KMT2C: variants seen among roughly 807,000 people sequenced by gnomAD.
KMT2C encodes lysine methyltransferase 2C, also known as histone-lysine N-methyltransferase 2C.
Under a neutral mutation model 507.9 loss-of-function variants are expected in KMT2C, and 88 were observed. The ratio of observed to expected loss-of-function variants is 0.17; its 90% CI spans 0.15 to 0.21. The LOEUF is 0.21. Ranked by LOEUF, KMT2C falls within the 10% of genes least tolerant of loss-of-function variation. KMT2C has a pLI of 1.00. For synonymous variants in KMT2C, 2,049 were observed against 2,080.8 expected (o/e 0.98, Z 0.42); for missense variants, 4,954 against 5,957.8 (o/e 0.83, Z 5.55).
intron 31 of KMT2C, among the ~76,000 whole-genome samples, chr7:152,193,057 C>T (rs902058700): frequency 3.0e-4 from 45 of 152,074 alleles, no homozygotes; most frequent in Admixed American, 2.9e-3. Context: ...TGCCTGTGGT[C>T]GCAGCTGCAT....
intron 11 of KMT2C, 144 bp from the exon 12 acceptor site, chr7:152,251,110 C>A (rs770841640): frequency 6.7e-6 from 4 of 594,952 alleles, no homozygotes; most frequent in Non-Finnish European, 8.9e-6. Context: ...TCTGTTGAAC[C>A]ACATGTATAT....
At chr7:152,368,777 C>A in intron 1 of KMT2C, 1 of 751,932 alleles carries the variant, frequency 1.3e-6, no homozygotes, top group Non-Finnish European at 2.2e-6. Context: ...ATGGATTTAA[C>A]AGCGTGACAA....
intron 39 of KMT2C, 51 bp downstream of exon 39, chr7:152,174,080 A>C: frequency 1.0e-6 from 1 of 956,384 alleles, no homozygotes; most frequent in South Asian, 1.5e-5. Context: ...ACTAGTAATG[A>C]TTTCATGAAT....
At chr7:152,188,610 TTTTTTTTTTTTTTTG>T (rs1340944586) in intron 31 of KMT2C, among the ~76,000 whole-genome samples, 57 of 130,788 alleles carry the variant, frequency 4.4e-4, no homozygotes, top group Middle Eastern at 3.6e-3. Context: ...CTTTCCTTTT[TTTTTTTTTTTTTTTG>T]TTTTTGAGAT....
chr7:152,138,957 T>A lies in KMT2C; in HGVS notation c.14535-53A>T. 3 of 1,373,602 alleles carry A rather than the reference T, an allele frequency of 2.2e-6. No individual in the cohort carries two copies. Among genetic ancestry groups the A allele is most frequent in the Non-Finnish European group, 3.1e-6 (3 of 963,912 alleles). The allele number at this position is 1,373,602 out of a possible 1,614,324, so 85.1% of individuals were successfully genotyped here. On this transcript the variant is annotated intron_variant, in intron 57 of 58. Transcript: ENST00000262189. The surrounding 1 kb of genome is among the most constrained non-coding windows in gnomAD (Gnocchi z 4.2). ...ATTGTAAAACAGCTAGAAGCAGCTT[T>A]AAAAACTTCCCATTTATTGATAAAG...
chr7:152,357,497 A>G (rs1037862983), intron 2 of KMT2C, among the ~76,000 whole-genome samples: 2 of 152,232 alleles, frequency 1.3e-5, no homozygotes, highest in East Asian at 3.9e-4. Context: ...ACGCCACTGC[A>G]CTCCAGCCCA....
At chr7:152,433,394 TC>T (rs572725740) in intron 1 of KMT2C, among the ~76,000 whole-genome samples, 22 of 149,966 alleles carry the variant, frequency 1.5e-4, no homozygotes, top group Admixed American at 1.3e-3. Flanking sequence ...CTGCATGGAT[TC>T]TTATACAGTA....
chr7:152,148,005 T>C lies in KMT2C; in HGVS notation c.13894+28A>G, dbSNP rs368417311. 9.1e-6 allele frequency: 14 copies of C among 1,536,420 alleles called. No homozygotes were observed. Among genetic ancestry groups the C allele is most frequent in the Admixed American group, 2.0e-5 (1 of 50,198 alleles). On this transcript the variant is annotated intron_variant, in intron 52 of 58. Coordinates refer to ENST00000262189, the MANE Select transcript of KMT2C (RefSeq NM_170606.3). The surrounding 1 kb of genome is among the most constrained non-coding windows in gnomAD (Gnocchi z 7.1). ...AGCCTGACATCAGAGTAAGTAGCACTGCACAGCATGTGAACGGCAGACGTT... is the reference window on the plus strand; with the variant it reads ...AGCCTGACATCAGAGTAAGTAGCACCGCACAGCATGTGAACGGCAGACGTT...
intron 37 of KMT2C, among the ~76,000 whole-genome samples, chr7:152,179,239 G>A (rs189262965): frequency 9.9e-5 from 15 of 152,178 alleles, no homozygotes; most frequent in African/African-American, 2.2e-4. Flanking sequence ...CAAGTGATCC[G>A]CCCACCTCGG....
At chr7:152,381,754 CTG>C (rs2097376056) in intron 1 of KMT2C, among the ~76,000 whole-genome samples, 2 of 150,690 alleles carry the variant, frequency 1.3e-5, no homozygotes, top group South Asian at 4.2e-4. Flanking sequence ...CTGACACTGA[CTG>C]TTATCAAAAA....
At position 152,207,420 on chromosome 7, in the gene KMT2C, G is replaced by A. The variant is rs773647299; in HGVS notation, c.3721C>T (p.Leu1241Phe). The A allele has an allele frequency of 6.3e-7, 1 of 1,589,640 alleles. No homozygotes were observed. Among genetic ancestry groups the A allele is most frequent in the East Asian group, 2.2e-5 (1 of 44,708 alleles). ...TCTGATTTTCCATCACAATCCATAA[G>A]TTCTCCTTCTGGAAAAAAGTAAATG... Reference protein sequence around the residue: ...GEMDDSREGELMDCDGKSESS... With the variant: ...GEMDDSREGEFMDCDGKSESS... Residue 1241 changes from leucine to phenylalanine, a missense_variant, in exon 24 of 59, where the codon CTT becomes TTT. This residue lies in a region of KMT2C where 176 missense variants were observed against 262.0 expected (regional missense o/e 0.67). Coordinates refer to ENST00000262189, the MANE Select transcript of KMT2C (RefSeq NM_170606.3).
At position 152,344,930 on chromosome 7, in the gene KMT2C, T is replaced by C. The variant is rs537264072; in HGVS notation, c.250+13657A>G. ...TGAACCCAGGAGGCGGAGCTTGCAA[T>C]GAGCCAAGATGATGCCACTGCACTC... On this transcript the variant is annotated intron_variant, in intron 2 of 58. Coordinates refer to ENST00000262189, the MANE Select transcript of KMT2C (RefSeq NM_170606.3). Among the ~76,000 whole-genome samples, 7 of 152,050 alleles carry C rather than the reference T, an allele frequency of 4.6e-5. No individual in the cohort carries two copies. The East Asian group carries it at 1.4e-3, about 29-fold the overall frequency.
intron 1 of KMT2C, among the ~76,000 whole-genome samples, chr7:152,419,834 A>C (rs995932716): frequency 6.6e-6 from 1 of 152,240 alleles, no homozygotes. Flanking sequence ...AGTAATTATC[A>C]AAAAGGTAAC....
At chr7:152,151,364 C>T in intron 50 of KMT2C, 78 bp downstream of exon 50, 1 of 1,462,578 alleles carries the variant, frequency 6.8e-7, no homozygotes, top group Admixed American at 1.8e-5. Context: ...GTGTCTCTCT[C>T]TGATGTTGGA....
intron 1 of KMT2C, among the ~76,000 whole-genome samples, chr7:152,390,755 G>T (rs2097486581): frequency 6.6e-6 from 1 of 152,128 alleles, no homozygotes; most frequent in African/African-American, 2.4e-5. Context: ...GACCATGTGT[G>T]TTTAACAAAT....
At position 152,181,114 on chromosome 7, in the gene KMT2C, G is replaced by C. The variant is rs1425960038; in HGVS notation, c.6746C>G (p.Pro2249Arg). The change falls in exon 36 of 59, where the codon CCT (proline) becomes CGT (arginine). Residue 2249 changes from proline to arginine, a missense_variant. Pro to Arg is a moderately radical substitution (Grantham distance 103, BLOSUM62 -2). Around this residue, in one of 29 missense-constraint regions of KMT2C, gnomAD observed 1,689 missense variants for 1,654.3 expected, o/e 1.02. Coordinates refer to ENST00000262189, the MANE Select transcript of KMT2C (RefSeq NM_170606.3). ...TCGGTTTTGTGCTGCTTGCAGGAAAGGATCCTGATTTGGCATGAGGACTGG... is the reference window on the plus strand; with the variant it reads ...TCGGTTTTGTGCTGCTTGCAGGAAACGATCCTGATTTGGCATGAGGACTGG... ...TRPVLMPNQD[P>R]FLQAAQNRGP... is the part of the protein sequence containing the mutation. The C allele has an allele frequency of 6.2e-7, 1 of 1,614,054 alleles. No homozygotes were observed. The highest frequency in any genetic ancestry group is 1.3e-5 in the African/African-American group (1 of 74,934).
rs1306861797 is a variant in KMT2C at position 152,248,357 on chromosome 7, T to A, written c.2077A>T (p.Thr693Ser). 6.2e-7 allele frequency: 1 copy of A among 1,613,866 alleles called. No individual in the cohort carries two copies. Among genetic ancestry groups the A allele is most frequent in the South Asian group, 1.1e-5 (1 of 91,068 alleles). ...RPPKLVMESVTLPLETLVSPH... is the reference protein window; with the variant it reads ...RPPKLVMESVSLPLETLVSPH... ...GACACTAAGGTTTCTAGTGGAAGAGTGACAGATTCCATGACTAATTTTGGA... is the reference window on the plus strand; with the variant it reads ...GACACTAAGGTTTCTAGTGGAAGAGAGACAGATTCCATGACTAATTTTGGA... The change falls in exon 14 of 59, where the codon ACT (threonine) becomes TCT (serine). Residue 693 changes from threonine to serine, a missense_variant. This residue lies in a region of KMT2C where 376 missense variants were observed against 352.4 expected (regional missense o/e 1.07). Transcript: ENST00000262189.
At position 152,204,456 on chromosome 7, in the gene KMT2C, A is replaced by T. The variant is rs559893464; in HGVS notation, c.3961+650T>A. Among the ~76,000 whole-genome samples the T allele has an allele frequency of 8.5e-5, 13 of 152,208 alleles. No individual in the cohort carries two copies. In the South Asian group the frequency reaches 1.5e-3, roughly 17 times the overall value. ...CAAAAAGCCAAAAAATTAGCTAGGC[A>T]TGGTGGTGTGTGCCTGTGGTCTCCA... On this transcript the variant is annotated intron_variant, in intron 25 of 58. Transcript: ENST00000262189.
chr7:152,277,164 C>A (rs1294001567), intron 6 of KMT2C, among the ~76,000 whole-genome samples: 1 of 152,192 alleles, frequency 6.6e-6, no homozygotes, highest in African/African-American at 2.4e-5. Context: ...AGTATTTATT[C>A]TGTACCAACT....
Sources: gnomAD v4.1 joint callset for allele counts (sites outside exome capture counted in the v4.1 genomes callset) on GRCh38, gnomAD v4.1.1 for gene constraint, gnomAD v4.1.1 regional missense constraint, Gnocchi (gnomAD v3.1) non-coding constraint, MANE v1.5 for transcripts, NCBI Gene and HGNC (gene_info 2026-07-23, HGNC 2026-07-21) for gene names.